Variants in CERK observed in about 807,000 individuals in gnomAD.
CERK encodes the protein acylsphingosine kinase.
CERK carries 39 observed loss-of-function variants against 63.4 expected under a neutral mutation model. The ratio of observed to expected loss-of-function variants is 0.61; its 90% CI spans 0.48 to 0.80. CERK has a LOEUF of 0.80. Ranked by LOEUF, CERK falls within the 30% of genes least tolerant of loss-of-function variation. The pLI, the probability that CERK is intolerant of heterozygous loss-of-function variation, is 0.00. For synonymous variants in CERK, 302 were observed against 280.0 expected, an observed-to-expected ratio of 1.08 and a Z score of -0.78; for missense variants, 670 against 714.1, an observed-to-expected ratio of 0.94 and a Z score of 0.70.
intron 8 of CERK, among the ~76,000 whole-genome samples, chr22:46,698,984 T>C (rs1404497845): frequency 6.6e-6 from 1 of 152,214 alleles, no homozygotes; most frequent in African/African-American, 2.4e-5. Flanking sequence ...GTGGCCTCTG[T>C]CACCTGCCTA....
intron 1 of CERK, among the ~76,000 whole-genome samples, chr22:46,733,058 A>C (rs1037850258): frequency 1.3e-5 from 2 of 151,370 alleles, no homozygotes; most frequent in Non-Finnish European, 2.9e-5. Flanking sequence ...AATACAAAAA[A>C]TTAGCCGGGT....
rs1404463828 is a variant in CERK, at chr22:46,738,181, G to A, written c.-33C>T. ...GCCGGGCTCGTCCGCCAGGCTGGGG[G>A]CGCGCGGACGCCGAGGGGCGCCGGA... is the stretch of plus-strand genomic sequence containing the variant. On this transcript the variant is annotated 5_prime_UTR_variant, in exon 1 of 13. Transcript: ENST00000216264. The A allele has an allele frequency of 4.5e-6, 5 of 1,121,740 alleles. No individual in the cohort carries two copies. Among genetic ancestry groups the A allele is most frequent in the South Asian group, 3.5e-5 (1 of 28,614 alleles). 69.5% of individuals were successfully genotyped at this position (1,121,740 alleles called of 1,614,324 possible).
At chr22:46,693,583 T>TGCC in intron 9 of CERK, 80 bp from the exon 10 acceptor site, 3 of 1,179,756 alleles carry the variant, frequency 2.5e-6, no homozygotes, top group Non-Finnish European at 3.8e-6. Flanking sequence ...TAGATGTATT[T>TGCC]ACATTCTTTT....
At chr22:46,720,299 A>G in intron 2 of CERK, 91 bp from the exon 3 acceptor site, 6 of 1,495,930 alleles carry the variant, frequency 4.0e-6, no homozygotes, top group Non-Finnish European at 5.4e-6. Flanking sequence ...AGCTAATTAT[A>G]GGTTCCTAAC....
intron 5 of CERK, among the ~76,000 whole-genome samples, chr22:46,710,199 C>T (rs148989912): frequency 3.9e-5 from 6 of 152,112 alleles, no homozygotes; most frequent in East Asian, 1.9e-4. Flanking sequence ...GAGGCTGAGG[C>T]GGGTCGCGTG....
At chr22:46,697,315 T>C (rs1006614784) in intron 8 of CERK, among the ~76,000 whole-genome samples, 3 of 152,148 alleles carry the variant, frequency 2.0e-5, no homozygotes, top group Non-Finnish European at 2.9e-5. Context: ...CTTTTCTTTT[T>C]TTTTTGAGAC....
At chr22:46,699,288 G>A in intron 8 of CERK, 25 bp downstream of exon 8, 1 of 1,612,368 alleles carries the variant, frequency 6.2e-7, no homozygotes. Context: ...CCAGCGGGGA[G>A]CGAGTCTGCA....
At chr22:46,696,487 A>G (rs1016397519) in intron 8 of CERK, among the ~76,000 whole-genome samples, 1 of 151,812 alleles carries the variant, frequency 6.6e-6, no homozygotes, top group Non-Finnish European at 1.5e-5. Context: ...CTGCCTCATC[A>G]CCCAGACGCA....
intron 3 of CERK, among the ~76,000 whole-genome samples, chr22:46,719,742 T>C (rs113589681): frequency 0.038 from 5,716 of 152,292 alleles, 114 homozygotes; most frequent in Non-Finnish European, 0.049. Flanking sequence ...TATTCCTCCA[T>C]GTGCCCAGTT....
chr22:46,689,877 AC>A (rs2082720979), intron 12 of CERK, 114 bp downstream of exon 12: 1 of 657,868 alleles, frequency 1.5e-6, no homozygotes. Flanking sequence ...AAACATTCTT[AC>A]GTTTTGTGTT....
intron 9 of CERK, chr22:46,693,951 C>T (rs561439055): frequency 2.9e-5 from 5 of 174,540 alleles, no homozygotes; most frequent in South Asian, 1.3e-4. Flanking sequence ...CTTAGTCATT[C>T]GTCTAGCACG....
intron 1 of CERK, among the ~76,000 whole-genome samples, chr22:46,729,822 G>A (rs1210265538): frequency 2.0e-5 from 3 of 151,956 alleles, no homozygotes; most frequent in Non-Finnish European, 2.9e-5. Flanking sequence ...GGTGAATCAC[G>A]AGGGCAGGAG....
intron 12 of CERK, among the ~76,000 whole-genome samples, chr22:46,689,230 G>A (rs1403271746): frequency 6.6e-6 from 1 of 152,234 alleles, no homozygotes; most frequent in Non-Finnish European, 1.5e-5. Context: ...TCCTCGGGGT[G>A]CCCTTCCCAG....
chr22:46,718,035 A>G (rs1224337354), intron 3 of CERK, among the ~76,000 whole-genome samples: 3 of 152,166 alleles, frequency 2.0e-5, no homozygotes, highest in Non-Finnish European at 4.4e-5. Context: ...CCGAGATTGC[A>G]CCACTGCACT....
At chr22:46,709,067 C>G (rs916441132) in intron 5 of CERK, among the ~76,000 whole-genome samples, 5 of 152,142 alleles carry the variant, frequency 3.3e-5, no homozygotes, top group African/African-American at 1.2e-4. Context: ...TGCCCTTCCC[C>G]GTAGCCTACA....
chr22:46,702,752 C>T (rs1302356196), intron 6 of CERK, among the ~76,000 whole-genome samples: 1 of 152,276 alleles, frequency 6.6e-6, no homozygotes, highest in Non-Finnish European at 1.5e-5. Context: ...TTATCCTGCG[C>T]TTCACTGGCT....
At position 46,699,369 on chromosome 22, in the gene CERK, A is replaced by T. The variant is rs1231388331; in HGVS notation, c.887T>A (p.Ile296Asn). ...SLLGYGFYGDIIKDSEKKRWL... is the reference protein window; with the variant it reads ...SLLGYGFYGDNIKDSEKKRWL... Reference sequence around the variant, plus strand: ...CCGTTTCTTCTCACTGTCCTTGATGATGTCCCCGTAGAAGCCGTAGCCCAG... The same window carrying T: ...CCGTTTCTTCTCACTGTCCTTGATGTTGTCCCCGTAGAAGCCGTAGCCCAG... The change falls in exon 8 of 13, where the codon ATC becomes AAC. Residue 296 changes from isoleucine to asparagine, a missense_variant. Ile to Asn is a moderately radical substitution (Grantham distance 149). Transcript: ENST00000216264. 1 of 1,614,126 alleles carries T rather than the reference A, an allele frequency of 6.2e-7. No homozygotes were observed. Among genetic ancestry groups the T allele is most frequent in the African/African-American group, 1.3e-5 (1 of 75,034 alleles).
chr22:46,685,962 TACAG>T lies in CERK; in HGVS notation c.*1168_*1171del, dbSNP rs550063405. 15 of 152,282 alleles carry T rather than the reference TACAG, an allele frequency of 9.9e-5. No individual in the cohort carries two copies. The highest frequency in any genetic ancestry group is 3.4e-4 in the African/African-American group (14 of 41,544). 9.4% of individuals were successfully genotyped at this position (152,282 alleles called of 1,614,324 possible). A position where few individuals can be genotyped will look rare whatever the true frequency, so the allele number is the denominator to read the frequency against. Reference sequence around the variant, plus strand: ...TCTCATATTTCAAACAAAACTACGTTACAGACATCATCTACGTGGGCACGGATAC... The same window carrying T: ...TCTCATATTTCAAACAAAACTACGTTACATCATCTACGTGGGCACGGATAC... On this transcript the variant is annotated 3_prime_UTR_variant, in exon 13 of 13. Transcript: ENST00000216264.
intron 9 of CERK, among the ~76,000 whole-genome samples, chr22:46,694,042 C>G (rs182631072): frequency 6.6e-6 from 1 of 152,082 alleles, no homozygotes; most frequent in Non-Finnish European, 1.5e-5. Context: ...TCATCAGCAG[C>G]CGAGTTCTTT....
Sources: allele counts gnomAD v4.1 joint callset (sites outside exome capture counted in the v4.1 genomes callset), GRCh38; gene constraint gnomAD v4.1.1; transcripts MANE v1.5; gene names NCBI Gene and HGNC (gene_info 2026-07-23, HGNC 2026-07-21).